The following PPFIA2 variants were observed in gnomAD, a reference collection of about 807,000 sequenced individuals.
PPFIA2 encodes liprin-alpha-2.
PPFIA2 carries 46 observed loss-of-function variants against 175.5 expected under a neutral mutation model. That is an observed-to-expected ratio of 0.26 (90% CI 0.21 to 0.34). The LOEUF (loss-of-function observed/expected upper bound fraction) is 0.34, where lower values mean the gene tolerates loss of function less well. Ranked by LOEUF, PPFIA2 falls within the 10% of genes least tolerant of loss-of-function variation. The pLI is 1.00. For missense variants in PPFIA2, 1,179 were observed against 1,506.1 expected, an observed-to-expected ratio of 0.78 and a Z score of 3.60; for synonymous variants, 568 against 511.4, an observed-to-expected ratio of 1.11 and a Z score of -1.49.
At chr12:81,341,365 A>G (rs2058039907) in intron 19 of PPFIA2, among the ~76,000 whole-genome samples, 157 bp from the exon 20 acceptor site, 1 of 152,102 alleles carries the variant, frequency 6.6e-6, no homozygotes, top group Non-Finnish European at 1.5e-5. Flanking sequence ...ATAAATTCCC[A>G]TTAAAGAGTT....
intron 4 of PPFIA2, among the ~76,000 whole-genome samples, chr12:81,508,521 CAAAAAAA>C (rs544893385): frequency 4.5e-5 from 2 of 44,814 alleles, no homozygotes; most frequent in African/African-American, 7.6e-5. Context: ...AATTCCACCT[CAAAAAAA>C]AAAAAAAAAA....
chr12:81,742,331 A>C (rs2082423093), intron 3 of PPFIA2, among the ~76,000 whole-genome samples: 1 of 152,212 alleles, frequency 6.6e-6, no homozygotes, highest in Admixed American at 6.5e-5. Flanking sequence ...AGCAAGGAGA[A>C]CAGTTAGGAA....
At chr12:81,469,152 T>C (rs570321416) in intron 4 of PPFIA2, among the ~76,000 whole-genome samples, 1 of 152,356 alleles carries the variant, frequency 6.6e-6, no homozygotes, top group African/African-American at 2.4e-5. Flanking sequence ...ATTACTCAAT[T>C]TTTTATGTCA....
chr12:81,595,262 C>T (rs538123929), intron 4 of PPFIA2, among the ~76,000 whole-genome samples: 2 of 146,026 alleles, frequency 1.4e-5, no homozygotes, highest in Admixed American at 1.4e-4. Flanking sequence ...ATACTTTAAA[C>T]AAACATATAT....
intron 25 of PPFIA2, 21 bp downstream of exon 25, chr12:81,284,220 A>C: frequency 4.5e-6 from 7 of 1,539,100 alleles, no homozygotes; most frequent in Non-Finnish European, 6.3e-6. Context: ...CTTCAGGTTC[A>C]ACAAAGCCAT....
chr12:81,335,883 T>A (rs1281346623), intron 21 of PPFIA2, among the ~76,000 whole-genome samples: 2 of 152,168 alleles, frequency 1.3e-5, no homozygotes, highest in Non-Finnish European at 2.9e-5. Flanking sequence ...TTCCCTAAAT[T>A]CAATTGTGGC....
intron 4 of PPFIA2, among the ~76,000 whole-genome samples, chr12:81,486,433 C>T (rs1181066270): frequency 6.6e-6 from 1 of 151,768 alleles, no homozygotes; most frequent in Non-Finnish European, 1.5e-5. Context: ...AGGATATTAA[C>T]ACATATAAAA....
At position 81,642,823 on chromosome 12, in the gene PPFIA2, T is replaced by C. The variant is rs1416700805; in HGVS notation, c.303+33968A>G. ...TGTATGTATGTATTACATACATGTA[T>C]ATGTATGTATGTATTACATACATAT... On this transcript the variant is annotated intron_variant, in intron 4 of 32. Transcript: ENST00000549396. Among the ~76,000 whole-genome samples, 11 of 132,000 alleles carry C rather than the reference T, an allele frequency of 8.3e-5. 2 individuals carry two copies. Among genetic ancestry groups the C allele is most frequent in the African/African-American group, 3.1e-4 (11 of 35,866 alleles). 86.6% of individuals were successfully genotyped at this position (132,000 alleles called of 152,430 possible).
At chr12:81,453,722 G>A (rs1327771648) in intron 5 of PPFIA2, among the ~76,000 whole-genome samples, 1 of 151,712 alleles carries the variant, frequency 6.6e-6, no homozygotes, top group African/African-American at 2.4e-5. Flanking sequence ...TTAATAACTT[G>A]AGGCAGTTGG....
chr12:81,623,585 G>A (rs10161159), intron 4 of PPFIA2, among the ~76,000 whole-genome samples: 69,573 of 151,608 alleles, frequency 0.46, 17,017 homozygotes, highest in Middle Eastern at 0.59. Flanking sequence ...GACTGTCACC[G>A]CTTCCTTTTT....
intron 3 of PPFIA2, among the ~76,000 whole-genome samples, chr12:81,714,087 G>A (rs535348004): frequency 6.6e-5 from 10 of 151,184 alleles, no homozygotes; most frequent in South Asian, 2.1e-4. Context: ...GGGGACCAGC[G>A]TAATTGGAGA....
chr12:81,469,261 G>T (rs1029179065), intron 4 of PPFIA2, among the ~76,000 whole-genome samples: 1 of 152,106 alleles, frequency 6.6e-6, no homozygotes, highest in Non-Finnish European at 1.5e-5. Context: ...CTGACACTTT[G>T]ATTATTTCTC....
intron 22 of PPFIA2, among the ~76,000 whole-genome samples, chr12:81,305,350 G>C (rs527767657): frequency 9.2e-5 from 14 of 152,182 alleles, no homozygotes; most frequent in African/African-American, 3.1e-4. Context: ...CCTCCTTAAA[G>C]TAAACATTTA....
intron 4 of PPFIA2, among the ~76,000 whole-genome samples, chr12:81,503,305 C>A (rs1293657902): frequency 6.6e-6 from 1 of 151,958 alleles, no homozygotes; most frequent in African/African-American, 2.4e-5. Flanking sequence ...TCTCTGATAT[C>A]CAGATCTGCT....
At chr12:81,343,373 T>C (rs2058487391) in intron 19 of PPFIA2, among the ~76,000 whole-genome samples, 1 of 152,006 alleles carries the variant, frequency 6.6e-6, no homozygotes, top group African/African-American at 2.4e-5. Flanking sequence ...TCAAAGAAAA[T>C]AAGGACATTA....
intron 9 of PPFIA2, among the ~76,000 whole-genome samples, chr12:81,383,657 A>G (rs1047771326): frequency 2.6e-5 from 4 of 152,156 alleles, no homozygotes; most frequent in Non-Finnish European, 5.9e-5. Context: ...CAATGGAACA[A>G]TTTAAGGCAT....
In PPFIA2 at chr12:81,259,446, T is replaced by C; in HGVS notation, c.*248A>G. Reference sequence around the variant, plus strand: ...TGTTGTACAGAGTTTATGATGTAGATGATGTTTATTATTCAAATGACTTAA... The same window carrying C: ...TGTTGTACAGAGTTTATGATGTAGACGATGTTTATTATTCAAATGACTTAA... On this transcript the variant is annotated 3_prime_UTR_variant, in exon 33 of 33. Coordinates refer to ENST00000549396, the MANE Select transcript of PPFIA2 (RefSeq NM_003625.5). The C allele has an allele frequency of 1.5e-6, 1 of 661,514 alleles. No homozygotes were observed. Among genetic ancestry groups the C allele is most frequent in the Non-Finnish European group, 2.7e-6 (1 of 371,734 alleles). The allele number at this position is 661,514 out of a possible 1,614,324, so 41.0% of individuals were successfully genotyped here. A position where few individuals can be genotyped will look rare whatever the true frequency, so the allele number is the denominator to read the frequency against.
At chr12:81,621,422 A>G (rs1026407873) in intron 4 of PPFIA2, among the ~76,000 whole-genome samples, 2 of 152,234 alleles carry the variant, frequency 1.3e-5, no homozygotes, top group African/African-American at 4.8e-5. Context: ...ATCAGCAAGC[A>G]GGCTGAATGA....
At chr12:81,453,451 T>C (rs964928794) in intron 5 of PPFIA2, among the ~76,000 whole-genome samples, 2 of 152,112 alleles carry the variant, frequency 1.3e-5, no homozygotes, top group Non-Finnish European at 2.9e-5. Flanking sequence ...ATTGATCATT[T>C]TGAGTTGAAA....
Sources: gnomAD v4.1 joint callset for allele counts (sites outside exome capture counted in the v4.1 genomes callset) on GRCh38, gnomAD v4.1.1 for gene constraint, MANE v1.5 for transcripts, NCBI Gene and HGNC (gene_info 2026-07-23, HGNC 2026-07-21) for gene names.